Variants in ABCC11 observed in about 807,000 individuals in gnomAD.
ABCC11 encodes the protein ATP binding cassette subfamily C member 11.
In ABCC11, 135 loss-of-function variants were observed where a neutral mutation model predicts 149.3. That is an observed-to-expected ratio of 0.90 (90% CI 0.79 to 1.04). ABCC11 has a LOEUF of 1.04. ABCC11 is among the 50% of genes least tolerant of loss of function. The pLI is 0.00. For synonymous variants in ABCC11, 665 were observed against 671.4 expected (o/e 0.99, Z 0.15); for missense variants, 1,680 against 1,722.1 (o/e 0.98, Z 0.43).
chr16:48,173,811 GAC>G (rs1197412556), intron 26 of ABCC11, among the ~76,000 whole-genome samples: 1 of 150,194 alleles, frequency 6.7e-6, no homozygotes, highest in Non-Finnish European at 1.5e-5. Flanking sequence ...TTTTAGCAGA[GAC>G]AGGGTTTTGT....
rs757771649 is a variant in ABCC11, at chr16:48,175,469, G to A, written c.3539-52C>T. The A allele has an allele frequency of 1.9e-6, 3 of 1,566,682 alleles. No homozygotes were observed. In the South Asian group the frequency reaches 3.5e-5, roughly 18 times the overall value. ...TCAGTTTCCTGCATCTGCACTAGCG[G>A]AAGCACAGATCGCACCTGGCGATCA... is the stretch of plus-strand genomic sequence containing the variant. On this transcript the variant is annotated intron_variant, in intron 25 of 29. Coordinates refer to ENST00000356608, the MANE Select transcript of ABCC11 (RefSeq NM_001370497.1).
At chr16:48,173,075 T>C (rs1449059066) in intron 26 of ABCC11, among the ~76,000 whole-genome samples, 1 of 152,216 alleles carries the variant, frequency 6.6e-6, no homozygotes, top group East Asian at 1.9e-4. Flanking sequence ...AGCACTTTCA[T>C]AGATGGGTTA....
intron 6 of ABCC11, among the ~76,000 whole-genome samples, chr16:48,217,567 G>C (rs1336356722): frequency 6.6e-6 from 1 of 152,218 alleles, no homozygotes; most frequent in Non-Finnish European, 1.5e-5. Context: ...CTGCACTTCA[G>C]CCTGAGCAAG....
chr16:48,227,991 A>C, intron 3 of ABCC11, 27 bp from the exon 4 acceptor site: 1 of 1,582,878 alleles, frequency 6.3e-7, no homozygotes, highest in Non-Finnish European at 8.6e-7. Context: ...AAGGATAAGA[A>C]TGAATTCAGG....
Position 48,205,480 on chromosome 16 carries a change from G to C in ABCC11, c.1738C>G (p.Gln580Glu). 6.2e-7 allele frequency: 1 copy of C among 1,614,180 alleles called. No homozygotes were observed. The highest frequency in any genetic ancestry group is 8.5e-7 in the Non-Finnish European group (1 of 1,180,036). ...VQGSLAYVPQ[Q>E]AWIVSGNIRE... Reference sequence around the variant, plus strand: ...ATGTTCCCGCTGACGATCCAGGCCTGCTGGGGGACATAGGCCAGGCTTCCC... The same window carrying C: ...ATGTTCCCGCTGACGATCCAGGCCTCCTGGGGGACATAGGCCAGGCTTCCC... The change falls in exon 13 of 30, where the codon CAG (glutamine) becomes GAG (glutamate). Residue 580 changes from glutamine (Q) to glutamate (E), a missense_variant. Coordinates refer to ENST00000356608, the MANE Select transcript of ABCC11 (RefSeq NM_001370497.1).
chr16:48,216,560 A>T (rs749838565), intron 6 of ABCC11, among the ~76,000 whole-genome samples: 24 of 152,212 alleles, frequency 1.6e-4, no homozygotes, highest in Non-Finnish European at 2.5e-4. Flanking sequence ...AATAACATAG[A>T]AAGTGTCTGC....
chr16:48,203,870 A>G (rs1363743146), intron 13 of ABCC11, among the ~76,000 whole-genome samples: 1 of 152,128 alleles, frequency 6.6e-6, no homozygotes, highest in Non-Finnish European at 1.5e-5. Flanking sequence ...ACTCCGTCTC[A>G]AAAAAAAGCA....
At position 48,166,513 on chromosome 16, in the gene ABCC11, T is replaced by C. The variant is rs952730672; in HGVS notation, c.*761A>G. Among the ~76,000 whole-genome samples the C allele has an allele frequency of 6.6e-6, 1 of 152,202 alleles. No homozygotes were observed. The highest frequency in any genetic ancestry group is 2.4e-5 in the African/African-American group (1 of 41,446). ...TCTGTTACAAGACCAACAAACTCTT[T>C]TTTTTTTCCAAAGTTAGTTTGAGGG... is the stretch of plus-strand genomic sequence containing the variant. On this transcript the variant is annotated 3_prime_UTR_variant, in exon 30 of 30. Coordinates refer to ENST00000356608, the MANE Select transcript of ABCC11 (RefSeq NM_001370497.1).
In ABCC11 at chr16:48,216,138, G is replaced by C. The variant is rs1400322364; in HGVS notation, c.927C>G (p.Cys309Trp). 1 of 1,614,132 alleles carries C rather than the reference G, an allele frequency of 6.2e-7. No individual in the cohort carries two copies. The highest frequency in any genetic ancestry group is 2.2e-5 in the East Asian group (1 of 44,882). ...CCGCCAGTGGGAAAACCAGGAGATA[G>C]CATAAGATGGCAATAAATGCAGTGT... ...IGYTAFIAIL[C>W]YLLVFPLAVF... The change falls in exon 7 of 30, where the codon TGC (cysteine) becomes TGG (tryptophan). Residue 309 changes from cysteine (C) to tryptophan (W), a missense_variant. Coordinates refer to ENST00000356608, the MANE Select transcript of ABCC11 (RefSeq NM_001370497.1).
At chr16:48,180,221 G>A (rs1001577517) in intron 23 of ABCC11, among the ~76,000 whole-genome samples, 8 of 152,232 alleles carry the variant, frequency 5.3e-5, no homozygotes, top group African/African-American at 1.9e-4. Context: ...AGGATGAGAA[G>A]GCATCAGATG....
chr16:48,211,522 C>T (rs1300036610), intron 10 of ABCC11, among the ~76,000 whole-genome samples: 1 of 152,148 alleles, frequency 6.6e-6, no homozygotes, highest in Non-Finnish European at 1.5e-5. Context: ...GCCATTGACT[C>T]ATAGGATTGA....
intron 14 of ABCC11, 111 bp from the exon 15 acceptor site, chr16:48,200,590 T>C: frequency 9.4e-7 from 1 of 1,067,076 alleles, no homozygotes; most frequent in Non-Finnish European, 1.3e-6. Flanking sequence ...GACCAAGATA[T>C]GCACACACTC....
At chr16:48,232,078 C>G (rs750932613) in intron 1 of ABCC11, 139 bp from the exon 2 acceptor site, 40 of 1,439,310 alleles carry the variant, frequency 2.8e-5, no homozygotes, top group Non-Finnish European at 3.6e-5. Flanking sequence ...GGTGCCTGCT[C>G]TTTCCTCTCC....
chr16:48,222,870 T>C (rs745551724), intron 5 of ABCC11, 39 bp from the exon 6 acceptor site: 4 of 1,522,142 alleles, frequency 2.6e-6, no homozygotes, highest in African/African-American at 1.4e-5. Context: ...CAGACCACCC[T>C]GCCAGACACG....
In ABCC11 at chr16:48,216,137, A is replaced by T. The variant is rs758105897; in HGVS notation, c.928T>A (p.Tyr310Asn). The change falls in exon 7 of 30, where the codon TAT becomes AAT. Residue 310 changes from tyrosine to asparagine, a missense_variant. Tyr to Asn is a moderately radical substitution (Grantham distance 143). Transcript: ENST00000356608. ...ACCGCCAGTGGGAAAACCAGGAGAT[A>T]GCATAAGATGGCAATAAATGCAGTG... Reference protein sequence around the residue: ...GYTAFIAILCYLLVFPLAVFM... With the variant: ...GYTAFIAILCNLLVFPLAVFM... 3.7e-6 allele frequency: 6 copies of T among 1,614,150 alleles called. No individual in the cohort carries two copies. In the South Asian group the frequency reaches 5.5e-5, roughly 15 times the overall value.
chr16:48,168,095 G>C (rs185188677), intron 28 of ABCC11, among the ~76,000 whole-genome samples: 1 of 152,116 alleles, frequency 6.6e-6, no homozygotes, highest in Non-Finnish European at 1.5e-5. Context: ...TTTCATTAAC[G>C]ATATGCATGA....
chr16:48,239,548 C>A (rs539238618), intron 1 of ABCC11, among the ~76,000 whole-genome samples: 3 of 116,998 alleles, frequency 2.6e-5, no homozygotes, highest in African/African-American at 3.4e-5. Context: ...GGCAACAGAG[C>A]GAGACTGTGT....
Position 48,165,913 on chromosome 16 carries a change from TA to T in ABCC11, c.*1360del, listed in dbSNP as rs1965318197. 6.6e-6 allele frequency: 1 copy of T among 152,248 alleles called. No homozygotes were observed. Among genetic ancestry groups the T allele is most frequent in the Admixed American group, 6.5e-5 (1 of 15,282 alleles). The allele number at this position is 152,248 out of a possible 1,614,324, so 9.4% of individuals were successfully genotyped here. A position where few individuals can be genotyped will look rare whatever the true frequency, so the allele number is the denominator to read the frequency against. On this transcript the variant is annotated 3_prime_UTR_variant, in exon 30 of 30. Coordinates refer to ENST00000356608, the MANE Select transcript of ABCC11 (RefSeq NM_001370497.1). Reference sequence around the variant, plus strand: ...GTAAGTTGAAAATGATTGCCTTTTCTATTTGTCTGTAACCACATGTGGAGGG... The same window carrying T: ...GTAAGTTGAAAATGATTGCCTTTTCTTTTGTCTGTAACCACATGTGGAGGG...
intron 18 of ABCC11, 58 bp from the exon 19 acceptor site, chr16:48,194,040 G>A: frequency 7.8e-7 from 1 of 1,279,350 alleles, no homozygotes; most frequent in Non-Finnish European, 1.1e-6. Flanking sequence ...GGCAACTGCT[G>A]ACTCAGCTGC....
Sources: gnomAD v4.1 joint callset for allele counts (sites outside exome capture counted in the v4.1 genomes callset) on GRCh38, gnomAD v4.1.1 for gene constraint, MANE v1.5 for transcripts, NCBI Gene and HGNC (gene_info 2026-07-23, HGNC 2026-07-21) for gene names.